TRAF3: variants seen among roughly 807,000 people sequenced by gnomAD.
The protein encoded by TRAF3 is TNF receptor-associated factor 3.
In TRAF3, 13 loss-of-function variants were observed where a neutral mutation model predicts 62.3. That is an observed-to-expected ratio of 0.21 (90% CI 0.14 to 0.33). The LOEUF is 0.33. Ranked by LOEUF, TRAF3 falls within the 10% of genes least tolerant of loss-of-function variation. The probability of loss-of-function intolerance (pLI) is 1.00; values close to 1 mark genes in which losing one functional copy is unlikely to be tolerated. For missense variants in TRAF3, 440 were observed against 741.8 expected (o/e 0.59, Z 4.73); for synonymous variants, 269 against 283.4 (o/e 0.95, Z 0.51).
chr14:102,842,294 TATATA>T (rs1886420842), intron 2 of TRAF3, among the ~76,000 whole-genome samples: 1 of 147,484 alleles, frequency 6.8e-6, no homozygotes, highest in Admixed American at 6.8e-5. Flanking sequence ...TATAATAAAA[TATATA>T]ATAAAATAAA....
At chr14:102,852,433 C>T (rs1406582205) in intron 2 of TRAF3, among the ~76,000 whole-genome samples, 5 of 152,220 alleles carry the variant, frequency 3.3e-5, no homozygotes, top group Admixed American at 3.3e-4. Context: ...GTGCGGCCTG[C>T]TTGCTGTCCT....
chr14:102,847,586 C>T (rs955827548), intron 2 of TRAF3, among the ~76,000 whole-genome samples: 19 of 152,296 alleles, frequency 1.2e-4, no homozygotes, highest in South Asian at 4.1e-4. Flanking sequence ...ATAAGGTTGG[C>T]GTTGCTTTGC....
In TRAF3 at chr14:102,826,226, T is replaced by G. The variant is rs1009360649; in HGVS notation, c.-156-4108T>G. On this transcript the variant is annotated intron_variant, in intron 1 of 11. Coordinates refer to ENST00000392745, the MANE Select transcript of TRAF3 (RefSeq NM_145725.3). This position sits in a 1 kb window ranked among gnomAD's most constrained non-coding sequence, Gnocchi z 4.6. Reference sequence around the variant, plus strand: ...TGGGTGTAAATCCTGGCTCTTCTGCTTGAACTGACTGTGCCTCAGCATCCT... The same window carrying G: ...TGGGTGTAAATCCTGGCTCTTCTGCGTGAACTGACTGTGCCTCAGCATCCT... 1.3e-5 allele frequency among the ~76,000 whole-genome samples: 2 copies of G among 152,048 alleles called. No individual in the cohort carries two copies. Among genetic ancestry groups the G allele is most frequent in the Non-Finnish European group, 2.9e-5 (2 of 68,014 alleles).
At chr14:102,861,070 A>G (rs1887650391) in intron 2 of TRAF3, among the ~76,000 whole-genome samples, 1 of 152,262 alleles carries the variant, frequency 6.6e-6, no homozygotes, top group Non-Finnish European at 1.5e-5. Context: ...CAAGAAGCTC[A>G]GGGAGGCCAG....
intron 8 of TRAF3, among the ~76,000 whole-genome samples, chr14:102,890,842 T>A (rs1454610014): frequency 2.0e-5 from 3 of 152,214 alleles, no homozygotes; most frequent in African/African-American, 4.8e-5. Flanking sequence ...AACTAATACA[T>A]TAATACTTTA....
intron 2 of TRAF3, among the ~76,000 whole-genome samples, 159 bp downstream of exon 2, chr14:102,830,631 G>A (rs1424976698): frequency 6.6e-6 from 1 of 152,162 alleles, no homozygotes; most frequent in African/African-American, 2.4e-5. Flanking sequence ...TCTACTCAGT[G>A]TGCTGGAGTC....
At chr14:102,810,334 G>T (rs1899046907) in intron 1 of TRAF3, among the ~76,000 whole-genome samples, 1 of 152,174 alleles carries the variant, frequency 6.6e-6, no homozygotes, top group Non-Finnish European at 1.5e-5. Context: ...GGAACATAGG[G>T]TGACCTCAGT....
intron 9 of TRAF3, among the ~76,000 whole-genome samples, chr14:102,897,008 A>G (rs1890040663): frequency 6.6e-6 from 1 of 152,184 alleles, no homozygotes; most frequent in Non-Finnish European, 1.5e-5. Flanking sequence ...CAGGAGGTCA[A>G]GGCTGCAGTG....
At position 102,873,865 on chromosome 14, in the gene TRAF3, A is replaced by G. The variant is rs1426270330; in HGVS notation, c.298-1759A>G. On this transcript the variant is annotated intron_variant, in intron 4 of 11. Transcript: ENST00000392745. Reference sequence around the variant, plus strand: ...TTTTATTTCTCTCAGCAGTCCAAAAAGGCACATTAAGCTCCTGTTATTCCA... The same window carrying G: ...TTTTATTTCTCTCAGCAGTCCAAAAGGGCACATTAAGCTCCTGTTATTCCA... Among the ~76,000 whole-genome samples the G allele has an allele frequency of 4.6e-5, 7 of 152,320 alleles. 1 individual carries two copies. The highest frequency in any genetic ancestry group is 6.8e-3 in the Middle Eastern group (2 of 294).
Position 102,792,707 on chromosome 14 carries a change from AC to A in TRAF3, c.-157+15035del, listed in dbSNP as rs1760192158. ...TTGATTTTGTTTTGTATGTTGAATC[AC>A]CCTTGCATTCCTGGGATAAATCTCA... On this transcript the variant is annotated intron_variant, in intron 1 of 11. Coordinates refer to ENST00000392745, the MANE Select transcript of TRAF3 (RefSeq NM_145725.3). 2.0e-5 allele frequency among the ~76,000 whole-genome samples: 3 copies of A among 151,720 alleles called. No individual in the cohort carries two copies. In the South Asian group the frequency reaches 6.2e-4, roughly 31 times the overall value.
At chr14:102,890,913 G>A (rs150491498) in intron 8 of TRAF3, among the ~76,000 whole-genome samples, 1,712 of 152,256 alleles carry the variant, frequency 0.011, 33 homozygotes, top group African/African-American at 0.04. Flanking sequence ...GCAGTATCTC[G>A]CTACAACTAC....
chr14:102,880,608 G>C (rs1888994168), intron 6 of TRAF3, among the ~76,000 whole-genome samples: 1 of 152,172 alleles, frequency 6.6e-6, no homozygotes, highest in Non-Finnish European at 1.5e-5. Context: ...CTATTACTGG[G>C]TATATACCCA....
intron 9 of TRAF3, chr14:102,894,945 G>A (rs1449510444): frequency 1.1e-5 from 4 of 348,992 alleles, no homozygotes; most frequent in African/African-American, 4.3e-5. Flanking sequence ...CAAGTGGTCC[G>A]TCTGCCTCAG....
rs987899979 is a variant in TRAF3, at chr14:102,911,300, T to C, written c.*5516T>C. ...CTGTGAGTTAGCAACATGCCTGACT[T>C]CCTGATAGCATTACTGTTTTCTAGT... On this transcript the variant is annotated 3_prime_UTR_variant, in exon 12 of 12. Transcript: ENST00000392745. 2.6e-5 allele frequency: 4 copies of C among 152,218 alleles called. No homozygotes were observed. The highest frequency in any genetic ancestry group is 9.7e-5 in the African/African-American group (4 of 41,440). 9.4% of individuals were successfully genotyped at this position (152,218 alleles called of 1,614,324 possible). A position where few individuals can be genotyped will look rare whatever the true frequency, so the allele number is the denominator to read the frequency against.
At chr14:102,833,008 G>A (rs1415176767) in intron 2 of TRAF3, among the ~76,000 whole-genome samples, 1 of 152,144 alleles carries the variant, frequency 6.6e-6, no homozygotes, top group East Asian at 1.9e-4. Context: ...CTCCTGGGGT[G>A]GGGGAGGTCC....
chr14:102,873,879 C>T (rs1202561542), intron 4 of TRAF3, among the ~76,000 whole-genome samples: 2 of 152,108 alleles, frequency 1.3e-5, no homozygotes, highest in Non-Finnish European at 2.9e-5. Context: ...ACATTAAGCT[C>T]CTGTTATTCC....
chr14:102,779,538 G>C (rs567920024), intron 1 of TRAF3, among the ~76,000 whole-genome samples: 9 of 152,226 alleles, frequency 5.9e-5, no homozygotes, highest in Non-Finnish European at 1.3e-4. Context: ...AGCCTGCGTT[G>C]CGGATTCTGA....
At chr14:102,780,088 AAAG>A (rs1401919904) in intron 1 of TRAF3, among the ~76,000 whole-genome samples, 4 of 152,300 alleles carry the variant, frequency 2.6e-5, no homozygotes, top group African/African-American at 9.6e-5. Context: ...GAAGAGTGAG[AAAG>A]AAGGAGGTGA....
chr14:102,789,044 C>T (rs1339394338), intron 1 of TRAF3, among the ~76,000 whole-genome samples: 1 of 152,148 alleles, frequency 6.6e-6, no homozygotes, highest in South Asian at 2.1e-4. Context: ...TCCTCCCATC[C>T]CTTGATAACC....
Sources: gnomAD v4.1 joint callset for allele counts (sites outside exome capture counted in the v4.1 genomes callset) on GRCh38, gnomAD v4.1.1 for gene constraint, Gnocchi (gnomAD v3.1) non-coding constraint, MANE v1.5 for transcripts, NCBI Gene and HGNC (gene_info 2026-07-23, HGNC 2026-07-21) for gene names.